The following SHISA6 variants were observed in gnomAD, a reference collection of about 807,000 sequenced individuals.
SHISA6 encodes the protein shisa family member 6, also known as protein shisa-6.
In SHISA6, 22 loss-of-function variants were observed where a neutral mutation model predicts 47.9. That is an observed-to-expected ratio of 0.46 (90% CI 0.33 to 0.66). SHISA6 has a LOEUF of 0.66. Among genes scored for constraint, SHISA6 ranks in the 30% least tolerant of loss-of-function variants. SHISA6 has a pLI of 0.02. For synonymous variants in SHISA6, 388 were observed against 337.8 expected (o/e 1.15, Z -1.63); for missense variants, 680 against 764.6 (o/e 0.89, Z 1.30).
intron 3 of SHISA6, among the ~76,000 whole-genome samples, chr17:11,392,087 G>T (rs1005442838): frequency 2.0e-5 from 3 of 152,190 alleles, no homozygotes; most frequent in African/African-American, 7.2e-5. Context: ...GGTTCAGAGG[G>T]GCCAGAGCTC....
At chr17:11,355,604 C>G (rs12325822) in intron 2 of SHISA6, among the ~76,000 whole-genome samples, 5,346 of 152,166 alleles carry the variant, frequency 0.035, 288 homozygotes, top group African/African-American at 0.11. Context: ...AAACAACTGC[C>G]AAAAATATAT....
intron 2 of SHISA6, among the ~76,000 whole-genome samples, chr17:11,277,123 G>GT (rs980335370): frequency 2.0e-5 from 3 of 152,094 alleles, no homozygotes; most frequent in African/African-American, 7.2e-5. Flanking sequence ...AATTGGAAAT[G>GT]TTTGAGTTTT....
intron 2 of SHISA6, among the ~76,000 whole-genome samples, chr17:11,307,397 C>T (rs969120309): frequency 2.0e-5 from 3 of 152,106 alleles, no homozygotes; most frequent in Admixed American, 6.6e-5. Flanking sequence ...AGTCATTGTC[C>T]GTGTCTGCAT....
At chr17:11,484,763 A>G (rs1169335170) in intron 3 of SHISA6, among the ~76,000 whole-genome samples, 1 of 152,202 alleles carries the variant, frequency 6.6e-6, no homozygotes. Flanking sequence ...TCAAAATTGT[A>G]TATTATCAAA....
At chr17:11,434,855 T>C (rs1239871192) in intron 3 of SHISA6, among the ~76,000 whole-genome samples, 1 of 152,226 alleles carries the variant, frequency 6.6e-6, no homozygotes, top group Non-Finnish European at 1.5e-5. Flanking sequence ...TGACCACATT[T>C]CTAAATCTTC....
intron 3 of SHISA6, among the ~76,000 whole-genome samples, chr17:11,417,833 T>C (rs932134146): frequency 6.6e-6 from 1 of 152,194 alleles, no homozygotes; most frequent in Non-Finnish European, 1.5e-5. Context: ...CCCATTGTTA[T>C]CAGATAAGAG....
chr17:11,487,202 C>T (rs1567618766), intron 3 of SHISA6, among the ~76,000 whole-genome samples: 2 of 152,158 alleles, frequency 1.3e-5, no homozygotes, highest in Admixed American at 6.5e-5. Context: ...CCATGTCCAC[C>T]GTCGAGGGGC....
At chr17:11,307,711 T>C (rs1910174105) in intron 2 of SHISA6, among the ~76,000 whole-genome samples, 1 of 152,200 alleles carries the variant, frequency 6.6e-6, no homozygotes, top group African/African-American at 2.4e-5. Flanking sequence ...ATAAAGTCTA[T>C]GCTCTCATGA....
intron 2 of SHISA6, among the ~76,000 whole-genome samples, chr17:11,269,669 C>A (rs538175038): frequency 6.6e-6 from 1 of 152,308 alleles, no homozygotes; most frequent in South Asian, 2.1e-4. Context: ...TTTTCTCAGT[C>A]ATCCCCAAAG....
In SHISA6 at chr17:11,542,625, C is replaced by T. The variant is rs562543668; in HGVS notation, c.896-9271C>T. The stretch of plus-strand genomic sequence containing the variant: ...ATCTTATAGAAGGATGAAATAGGTT[C>T]TAAAATTCTTTTACCCCGAGATAAA... On this transcript the variant is annotated intron_variant, in intron 3 of 5. Transcript: ENST00000441885. Among the ~76,000 whole-genome samples, 26 of 152,132 alleles carry T rather than the reference C, an allele frequency of 1.7e-4. No individual in the cohort carries two copies. In the South Asian group the frequency reaches 5.4e-3, roughly 32 times the overall value.
Position 11,555,501 on chromosome 17 carries a change from C to T in SHISA6, c.953-239C>T, listed in dbSNP as rs550565953. Among the ~76,000 whole-genome samples, 15 of 151,838 alleles carry T rather than the reference C, an allele frequency of 9.9e-5. No individual in the cohort carries two copies. The South Asian group carries it at 1.1e-3, about 11-fold the overall frequency. On this transcript the variant is annotated intron_variant, in intron 4 of 5. Transcript: ENST00000441885. ...GAATTCGCTCCTCAGACTCAAGAGT[C>T]GAGTCTCCCATTCACAGAATGGTGA...
At chr17:11,522,366 T>C (rs1443835286) in intron 3 of SHISA6, among the ~76,000 whole-genome samples, 1 of 151,648 alleles carries the variant, frequency 6.6e-6, no homozygotes, top group Non-Finnish European at 1.5e-5. Flanking sequence ...TGGGCTTCAG[T>C]GATCGTTCAG....
intron 3 of SHISA6, among the ~76,000 whole-genome samples, chr17:11,422,275 A>G (rs1016999073): frequency 1.3e-5 from 2 of 152,158 alleles, no homozygotes; most frequent in African/African-American, 4.8e-5. Flanking sequence ...CAGTTGTCAC[A>G]TGCCTCCGGA....
At chr17:11,533,062 C>T (rs985763857) in intron 3 of SHISA6, among the ~76,000 whole-genome samples, 4 of 152,152 alleles carry the variant, frequency 2.6e-5, no homozygotes, top group African/African-American at 9.7e-5. Flanking sequence ...GCCCAAATGC[C>T]TCAGACAAAT....
intron 2 of SHISA6, among the ~76,000 whole-genome samples, chr17:11,286,253 G>A (rs538588510): frequency 3.9e-5 from 6 of 152,212 alleles, no homozygotes; most frequent in South Asian, 2.1e-4. Flanking sequence ...ATATCTGTGT[G>A]TCCTTCCCTA....
At chr17:11,250,233 G>A (rs532983831) in intron 1 of SHISA6, among the ~76,000 whole-genome samples, 1 of 152,302 alleles carries the variant, frequency 6.6e-6, no homozygotes, top group East Asian at 1.9e-4. Flanking sequence ...TATGCAGTGA[G>A]GCTCGGGGTC....
intron 3 of SHISA6, among the ~76,000 whole-genome samples, chr17:11,529,661 A>G (rs539642823): frequency 1.4e-3 from 211 of 152,344 alleles, no homozygotes; most frequent in African/African-American, 5.0e-3. Context: ...AGGACAAACC[A>G]TAGAGGAAAA....
chr17:11,259,966 TGTG>T (rs888081908), intron 1 of SHISA6, among the ~76,000 whole-genome samples: 4 of 152,150 alleles, frequency 2.6e-5, no homozygotes, highest in African/African-American at 9.7e-5. Flanking sequence ...TGTTAAAAAT[TGTG>T]GTAATAATAG....
intron 3 of SHISA6, among the ~76,000 whole-genome samples, chr17:11,402,161 C>T (rs1177275580): frequency 6.6e-6 from 1 of 152,150 alleles, no homozygotes; most frequent in African/African-American, 2.4e-5. Context: ...TGGCCCCTAG[C>T]TCCACCATTT....
Sources: allele counts gnomAD v4.1 joint callset (sites outside exome capture counted in the v4.1 genomes callset), GRCh38; gene constraint gnomAD v4.1.1; transcripts MANE v1.5; gene names NCBI Gene and HGNC (gene_info 2026-07-23, HGNC 2026-07-21).